The following FAM76A variants were observed in gnomAD, a reference collection of about 807,000 sequenced individuals.
FAM76A encodes the protein protein FAM76A.
A neutral mutation model predicts 46.2 loss-of-function variants in FAM76A; 32 were observed. The ratio of observed to expected loss-of-function variants is 0.69; its 90% CI spans 0.52 to 0.93. FAM76A has a LOEUF of 0.93. Among genes scored for constraint, FAM76A ranks in the 40% least tolerant of loss-of-function variants. The pLI, the probability that FAM76A is intolerant of heterozygous loss-of-function variation, is 0.00. For missense variants in FAM76A, 274 were observed against 361.5 expected (o/e 0.76, Z 1.96); for synonymous variants, 137 against 127.0 (o/e 1.08, Z -0.53).
intron 2 of FAM76A, among the ~76,000 whole-genome samples, chr1:27,729,831 A>G (rs1767523): frequency 0.64 from 97,166 of 152,056 alleles, 33,454 homozygotes; most frequent in African/African-American, 0.89. Context: ...TTTTACAAAC[A>G]TAGACATCTG....
chr1:27,744,728 G>A lies in FAM76A; in HGVS notation c.429G>A (p.Arg143=), dbSNP rs753817236. ...TCCTTCAGAAGACCAAAGAGCAGAG[G>A]AAACACCTGAGTAGCTCTTCTCGTG... ...KRVLQKTKEQ[R]KHLSSSSRAG... Residue 143 remains arginine (R), a synonymous_variant, in exon 5 of 9, where the codon AGG becomes AGA. Coordinates refer to ENST00000373954, the MANE Select transcript of FAM76A (RefSeq NM_152660.3). The A allele has an allele frequency of 1.3e-5, 21 of 1,614,032 alleles. No individual in the cohort carries two copies. In the Admixed American group the frequency reaches 3.5e-4, roughly 27 times the overall value.
At chr1:27,737,939 G>C (rs565972572) in intron 4 of FAM76A, among the ~76,000 whole-genome samples, 1 of 149,682 alleles carries the variant, frequency 6.7e-6, no homozygotes, top group Non-Finnish European at 1.5e-5. Context: ...TGTGGTTCCA[G>C]CTACCTGGGA....
intron 5 of FAM76A, 83 bp downstream of exon 5, chr1:27,744,894 C>A (rs1256010874): frequency 8.3e-6 from 11 of 1,322,550 alleles, no homozygotes; most frequent in Non-Finnish European, 1.1e-5. Context: ...GTACATACTA[C>A]CATCTCATAT....
At chr1:27,751,253 A>G (rs569044637) in intron 6 of FAM76A, among the ~76,000 whole-genome samples, 2 of 152,342 alleles carry the variant, frequency 1.3e-5, no homozygotes, top group Non-Finnish European at 2.9e-5. Context: ...TGCTGTCACA[A>G]AAACTATTTT....
At chr1:27,726,834 GTTGC>G (rs2087870175) in intron 1 of FAM76A, among the ~76,000 whole-genome samples, 1 of 152,076 alleles carries the variant, frequency 6.6e-6, no homozygotes, top group South Asian at 2.1e-4. Context: ...TTTCTTTTAA[GTTGC>G]TTTATCCCAC....
At chr1:27,731,195 AGAATT>A (rs2087950346) in intron 2 of FAM76A, among the ~76,000 whole-genome samples, 1 of 144,720 alleles carries the variant, frequency 6.9e-6, no homozygotes, top group South Asian at 2.2e-4. Flanking sequence ...TAGAGAAATC[AGAATT>A]TTTTTTTTTT....
chr1:27,753,990 C>T (rs761000604), intron 6 of FAM76A, among the ~76,000 whole-genome samples: 2 of 151,884 alleles, frequency 1.3e-5, no homozygotes, highest in Non-Finnish European at 2.9e-5. Context: ...GCACTTCTGA[C>T]TGGCCATTGA....
At chr1:27,730,043 C>G (rs1230562220) in intron 2 of FAM76A, among the ~76,000 whole-genome samples, 1 of 152,130 alleles carries the variant, frequency 6.6e-6, no homozygotes, top group Admixed American at 6.6e-5. Flanking sequence ...TATGTTAGCT[C>G]TTAAATTTAG....
intron 7 of FAM76A, among the ~76,000 whole-genome samples, chr1:27,756,124 G>A (rs1386031520): frequency 6.6e-6 from 1 of 152,122 alleles, no homozygotes; most frequent in Non-Finnish European, 1.5e-5. Flanking sequence ...CATGGGGATG[G>A]CCATGTCTGT....
intron 4 of FAM76A, among the ~76,000 whole-genome samples, chr1:27,737,589 C>T (rs541812920): frequency 3.4e-4 from 51 of 151,720 alleles, no homozygotes; most frequent in East Asian, 1.4e-3. Flanking sequence ...CGTTGGCTCA[C>T]GGCTGTAATC....
chr1:27,738,523 C>A (rs1469919473), intron 4 of FAM76A, among the ~76,000 whole-genome samples: 1 of 151,808 alleles, frequency 6.6e-6, no homozygotes, highest in Non-Finnish European at 1.5e-5. Context: ...AACAGACTTT[C>A]AGGTCGTATC....
intron 2 of FAM76A, among the ~76,000 whole-genome samples, chr1:27,728,760 G>A (rs545675773): frequency 1.5e-4 from 23 of 152,168 alleles, no homozygotes; most frequent in South Asian, 1.0e-3. Context: ...TCAGAAGTTC[G>A]AGACCAGCCT....
At chr1:27,747,295 A>G (rs2088256542) in intron 5 of FAM76A, among the ~76,000 whole-genome samples, 3 of 152,222 alleles carry the variant, frequency 2.0e-5, no homozygotes, top group African/African-American at 4.8e-5. Flanking sequence ...AGGGCTGAGA[A>G]TGGAACTCTA....
intron 4 of FAM76A, among the ~76,000 whole-genome samples, chr1:27,744,232 G>A (rs911603869): frequency 1.6e-4 from 24 of 152,064 alleles, no homozygotes; most frequent in South Asian, 2.1e-4. Flanking sequence ...GGGTTCAAGC[G>A]ATTCTTCTGC....
At chr1:27,743,287 A>C (rs890674851) in intron 4 of FAM76A, among the ~76,000 whole-genome samples, 1 of 151,978 alleles carries the variant, frequency 6.6e-6, no homozygotes, top group Non-Finnish European at 1.5e-5. Flanking sequence ...AGTAGCTGGG[A>C]CTACAGGCAT....
Position 27,761,399 on chromosome 1 carries a change from G to A in FAM76A, c.*818G>A, listed in dbSNP as rs1445912020. The A allele has an allele frequency of 6.6e-6, 1 of 152,564 alleles. No homozygotes were observed. The highest frequency in any genetic ancestry group is 1.9e-4 in the East Asian group (1 of 5,194). The allele number at this position is 152,564 out of a possible 1,614,324, so 9.5% of individuals were successfully genotyped here. A position where few individuals can be genotyped will look rare whatever the true frequency, so the allele number is the denominator to read the frequency against. ...GTATGGAGCTAAGTGCCTTTTGGAG[G>A]ATTTCTTGGAAGAGCATTTATGGAG... On this transcript the variant is annotated 3_prime_UTR_variant, in exon 9 of 9. Coordinates refer to ENST00000373954, the MANE Select transcript of FAM76A (RefSeq NM_152660.3).
intron 4 of FAM76A, among the ~76,000 whole-genome samples, chr1:27,738,514 A>G (rs1196260419): frequency 6.6e-6 from 1 of 151,920 alleles, no homozygotes; most frequent in Non-Finnish European, 1.5e-5. Flanking sequence ...ATAATAATAA[A>G]CAGACTTTCA....
Position 27,726,134 on chromosome 1 carries a change from G to T in FAM76A, c.54G>T (p.Ala18=). ...GCCACCAGCGCTTCCCCTTCGAGGC[G>T]CTGTCTCAGGGGCAGCAGCTGTGCA... The part of the protein sequence containing the change: ...TKCHQRFPFE[A]LSQGQQLCKE... Residue 18 remains alanine (A), a synonymous_variant, in exon 1 of 9, where the codon GCG becomes GCT. Coordinates refer to ENST00000373954, the MANE Select transcript of FAM76A (RefSeq NM_152660.3). 7.6e-7 allele frequency: 1 copy of T among 1,312,040 alleles called. No homozygotes were observed. Among genetic ancestry groups the T allele is most frequent in the Non-Finnish European group, 9.8e-7 (1 of 1,024,352 alleles). 81.3% of individuals were successfully genotyped at this position (1,312,040 alleles called of 1,614,324 possible). A position where few individuals can be genotyped will look rare whatever the true frequency, so the allele number is the denominator to read the frequency against.
At chr1:27,742,555 T>C (rs1227806923) in intron 4 of FAM76A, among the ~76,000 whole-genome samples, 2 of 152,208 alleles carry the variant, frequency 1.3e-5, no homozygotes, top group Non-Finnish European at 2.9e-5. Context: ...GCATACCACT[T>C]TGTGAACCAT....
Sources: gnomAD v4.1 joint callset for allele counts (sites outside exome capture counted in the v4.1 genomes callset) on GRCh38, gnomAD v4.1.1 for gene constraint, MANE v1.5 for transcripts, NCBI Gene and HGNC (gene_info 2026-07-23, HGNC 2026-07-21) for gene names.